GRK3: variants seen among roughly 807,000 people sequenced by gnomAD.
GRK3 encodes the protein G protein-coupled receptor kinase 3, also known as adrenergic, beta, receptor kinase 2.
GRK3 carries 54 observed loss-of-function variants against 95.7 expected under a neutral mutation model. The ratio of observed to expected loss-of-function variants is 0.56; its 90% CI spans 0.45 to 0.71. GRK3 has a LOEUF of 0.71. Among genes scored for constraint, GRK3 ranks in the 30% least tolerant of loss-of-function variants. GRK3 has a pLI of 0.00. For synonymous variants in GRK3, 281 were observed against 290.8 expected, an observed-to-expected ratio of 0.97 and a Z score of 0.34; for missense variants, 649 against 851.2, an observed-to-expected ratio of 0.76 and a Z score of 2.96.
intron 12 of GRK3, among the ~76,000 whole-genome samples, chr22:25,692,438 G>A (rs2085172504): frequency 1.3e-5 from 2 of 152,246 alleles, no homozygotes. Flanking sequence ...TGAGGATTAA[G>A]TTAACTAAAT....
At chr22:25,635,849 C>G (rs186118211) in intron 2 of GRK3, among the ~76,000 whole-genome samples, 1 of 152,198 alleles carries the variant, frequency 6.6e-6, no homozygotes, top group African/African-American at 2.4e-5. Flanking sequence ...AGTTTTGGCA[C>G]CCATCAGTTT....
intron 1 of GRK3, among the ~76,000 whole-genome samples, chr22:25,585,301 T>C (rs1235694917): frequency 6.6e-6 from 1 of 152,280 alleles, no homozygotes; most frequent in Non-Finnish European, 1.5e-5. Context: ...GTAACCGCAA[T>C]AGAGGTTGGG....
At position 25,722,394 on chromosome 22, in the gene GRK3, G is replaced by C. The variant is rs931073469; in HGVS notation, c.2011G>C (p.Gly671Arg). The change falls in exon 21 of 21, where the codon GGT becomes CGT. Residue 671 changes from glycine (G) to arginine (R), a missense_variant. Coordinates refer to ENST00000324198, the MANE Select transcript of GRK3 (RefSeq NM_005160.4). ...GAAGTTCCTCAACAAACCTCGGTCA[G>C]GTACTGTGGAGCTCCCAAAGCCATC... Reference protein sequence around the residue: ...APKFLNKPRSGTVELPKPSLC... With the variant: ...APKFLNKPRSRTVELPKPSLC... The C allele has an allele frequency of 1.9e-6, 3 of 1,614,044 alleles. No individual in the cohort carries two copies. The African/African-American group carries it at 4.0e-5, about 22-fold the overall frequency.
At chr22:25,592,739 C>T (rs74549558) in intron 1 of GRK3, among the ~76,000 whole-genome samples, 6,829 of 150,632 alleles carry the variant, frequency 0.045, 25 homozygotes, top group Middle Eastern at 0.094. Flanking sequence ...TGGGGTATGA[C>T]TGATCCCATT....
chr22:25,674,314 A>G (rs988537401), intron 7 of GRK3, 123 bp from the exon 8 acceptor site: 2 of 723,272 alleles, frequency 2.8e-6, no homozygotes, highest in East Asian at 2.9e-5. Context: ...TCAGTCATGA[A>G]AAGGGTAGAT....
At chr22:25,632,506 T>C (rs1186999461) in intron 2 of GRK3, among the ~76,000 whole-genome samples, 1 of 152,234 alleles carries the variant, frequency 6.6e-6, no homozygotes, top group Non-Finnish European at 1.5e-5. Context: ...TTCTTAAGCA[T>C]GTAGAACAGA....
At chr22:25,616,300 T>TTCCTC (rs2084537848) in intron 2 of GRK3, among the ~76,000 whole-genome samples, 1 of 151,856 alleles carries the variant, frequency 6.6e-6, no homozygotes, top group African/African-American at 2.4e-5. Context: ...GAAGCATGAC[T>TTCCTC]GGGAGGCCTC....
intron 1 of GRK3, among the ~76,000 whole-genome samples, chr22:25,571,569 T>C (rs1931700645): frequency 6.6e-6 from 1 of 152,262 alleles, no homozygotes; most frequent in South Asian, 2.1e-4. Context: ...GTTGAGATTA[T>C]GTGTAGTATA....
At chr22:25,595,044 A>T (rs2084363089) in intron 1 of GRK3, among the ~76,000 whole-genome samples, 1 of 152,212 alleles carries the variant, frequency 6.6e-6, no homozygotes, top group African/African-American at 2.4e-5. Context: ...GCTATCTATG[A>T]CAAACCTAAA....
intron 2 of GRK3, among the ~76,000 whole-genome samples, chr22:25,638,730 C>T (rs2072735382): frequency 6.6e-6 from 1 of 151,988 alleles, no homozygotes; most frequent in Non-Finnish European, 1.5e-5. Flanking sequence ...ATCAGTTACT[C>T]CAGTCAACAC....
intron 2 of GRK3, 22 bp downstream of exon 2, chr22:25,604,475 G>T (rs2084430576): frequency 1.3e-6 from 2 of 1,558,954 alleles, no homozygotes; most frequent in African/African-American, 1.4e-5. Flanking sequence ...TTGTTCATTT[G>T]GCATACGGTA....
rs117906773 is a variant in GRK3, at chr22:25,571,840, G to A, written c.113+6687G>A. Among the ~76,000 whole-genome samples, 1,476 of 152,070 alleles carry A rather than the reference G, an allele frequency of 9.7e-3. 11 individuals are homozygous for A. Among genetic ancestry groups the A allele is most frequent in the Middle Eastern group, 0.054 (16 of 294 alleles). On this transcript the variant is annotated intron_variant, in intron 1 of 20. Transcript: ENST00000324198. ...TGTGTGTCTAGAACCTTCTACACATGATACCTTACTCACACTTTTTTTTTT... is the reference window on the plus strand; with the variant it reads ...TGTGTGTCTAGAACCTTCTACACATAATACCTTACTCACACTTTTTTTTTT...
intron 8 of GRK3, among the ~76,000 whole-genome samples, chr22:25,677,656 A>T (rs1238965072): frequency 6.6e-6 from 1 of 152,242 alleles, no homozygotes; most frequent in Non-Finnish European, 1.5e-5. Flanking sequence ...TAACTTAAAC[A>T]TGATAAGTTA....
chr22:25,660,636 T>C (rs2084903447), intron 3 of GRK3, among the ~76,000 whole-genome samples: 2 of 152,202 alleles, frequency 1.3e-5, no homozygotes, highest in African/African-American at 4.8e-5. Flanking sequence ...ATTTCAAAGC[T>C]GTGAAAGCCG....
intron 12 of GRK3, among the ~76,000 whole-genome samples, chr22:25,694,518 C>T (rs888073872): frequency 6.6e-6 from 1 of 152,198 alleles, no homozygotes; most frequent in African/African-American, 2.4e-5. Flanking sequence ...GTCCTTTTGA[C>T]CTTCTGCAGC....
intron 1 of GRK3, among the ~76,000 whole-genome samples, chr22:25,590,468 T>G (rs1344509191): frequency 6.6e-6 from 1 of 152,216 alleles, no homozygotes; most frequent in African/African-American, 2.4e-5. Context: ...TCAGGTCATT[T>G]TGTTGTGTAG....
chr22:25,655,795 T>C (rs879676744), intron 3 of GRK3, among the ~76,000 whole-genome samples: 1 of 152,220 alleles, frequency 6.6e-6, no homozygotes, highest in African/African-American at 2.4e-5. Flanking sequence ...GAGGGCTTCA[T>C]ATCTGAACTT....
intron 15 of GRK3, among the ~76,000 whole-genome samples, chr22:25,709,229 G>A (rs1456090418): frequency 6.6e-6 from 1 of 151,846 alleles, no homozygotes; most frequent in Non-Finnish European, 1.5e-5. Flanking sequence ...GGTAGAGAAG[G>A]GGTTTCACCG....
At chr22:25,587,878 G>C (rs13058170) in intron 1 of GRK3, among the ~76,000 whole-genome samples, 7,347 of 151,498 alleles carry the variant, frequency 0.048, 262 homozygotes, top group Admixed American at 0.11. Flanking sequence ...ATGATTGTGA[G>C]GCCTCCCCAG....
Sources: allele counts gnomAD v4.1 joint callset (sites outside exome capture counted in the v4.1 genomes callset), GRCh38; gene constraint gnomAD v4.1.1; transcripts MANE v1.5; gene names NCBI Gene and HGNC (gene_info 2026-07-23, HGNC 2026-07-21).